RLF: variants seen among roughly 807,000 people sequenced by gnomAD.
RLF encodes the protein RLF zinc finger.
In RLF, 7 loss-of-function variants were observed where a neutral mutation model predicts 162.9. The observed-to-expected ratio is 0.04, with a 90% confidence interval of 0.02 to 0.08. The LOEUF is 0.08. RLF is among the 10% of genes least tolerant of loss of function. The pLI, the probability that RLF is intolerant of heterozygous loss-of-function variation, is 1.00. For missense variants in RLF, 1,664 were observed against 2,244.7 expected (o/e 0.74, Z 5.23); for synonymous variants, 782 against 791.5 (o/e 0.99, Z 0.20).
At chr1:40,222,488 C>T in intron 5 of RLF, 86 bp from the exon 6 acceptor site, 2 of 1,294,986 alleles carry the variant, frequency 1.5e-6, no homozygotes, top group Non-Finnish European at 2.1e-6. Flanking sequence ...CTAATTTTTG[C>T]CTCATTAAGA....
At chr1:40,216,718 T>TTA (rs1479712045) in intron 5 of RLF, among the ~76,000 whole-genome samples, 1 of 152,072 alleles carries the variant, frequency 6.6e-6, no homozygotes, top group Non-Finnish European at 1.5e-5. Context: ...GAAGCCAGTA[T>TTA]TACTTTGATA....
chr1:40,171,417 T>C (rs1201976849), intron 1 of RLF, among the ~76,000 whole-genome samples: 1 of 152,206 alleles, frequency 6.6e-6, no homozygotes, highest in Admixed American at 6.5e-5. Flanking sequence ...ACATTTGTTA[T>C]AAGAATTGTT....
chr1:40,207,362 A>G (rs760931861), intron 5 of RLF, among the ~76,000 whole-genome samples: 1 of 152,182 alleles, frequency 6.6e-6, no homozygotes, highest in Admixed American at 6.5e-5. Context: ...GTCTTTTTGA[A>G]TTTTAAAATT....
At chr1:40,168,158 T>G (rs116521005) in intron 1 of RLF, among the ~76,000 whole-genome samples, 7,010 of 152,218 alleles carry the variant, frequency 0.046, 522 homozygotes, top group African/African-American at 0.16. Context: ...GAGGCTGCAG[T>G]AAGCCATATT....
intron 7 of RLF, among the ~76,000 whole-genome samples, chr1:40,234,283 T>C (rs575453910): frequency 6.6e-6 from 1 of 152,306 alleles, no homozygotes; most frequent in East Asian, 1.9e-4. Context: ...CTCTGCTCAC[T>C]AGTTAGTGAC....
intron 1 of RLF, among the ~76,000 whole-genome samples, chr1:40,185,579 G>A (rs1272765679): frequency 4.1e-5 from 5 of 121,606 alleles, no homozygotes; most frequent in South Asian, 3.1e-4. Context: ...TTGGGAGGCC[G>A]AGGCGGGCAG....
intron 6 of RLF, among the ~76,000 whole-genome samples, chr1:40,228,907 G>GC (rs1216750298): frequency 1.3e-5 from 2 of 152,018 alleles, no homozygotes; most frequent in Admixed American, 6.6e-5. Flanking sequence ...CACCCTGCCC[G>GC]CCCCCCGCTG....
At chr1:40,164,728 CT>C (rs201482297) in intron 1 of RLF, among the ~76,000 whole-genome samples, 21 of 150,890 alleles carry the variant, frequency 1.4e-4, no homozygotes, top group Non-Finnish European at 2.1e-4. Context: ...ATTTTGAAGA[CT>C]TTTTTTTTAG....
intron 6 of RLF, among the ~76,000 whole-genome samples, chr1:40,225,929 A>G (rs1056665517): frequency 6.8e-6 from 1 of 148,088 alleles, no homozygotes; most frequent in Non-Finnish European, 1.5e-5. Context: ...GTACGCACCT[A>G]TAATCCCAGC....
chr1:40,161,709 A>C lies in RLF; in HGVS notation c.237+73A>C. The C allele has an allele frequency of 6.4e-7, 1 of 1,566,986 alleles. No homozygotes were observed. The highest frequency in any genetic ancestry group is 8.6e-7 in the Non-Finnish European group (1 of 1,165,802). ...GGAAGGAGGCCCTGGATCCTCTGTA[A>C]GCAGCCGGGTCCAAACTGAAAGGCG... On this transcript the variant is annotated intron_variant, in intron 1 of 7. Transcript: ENST00000372771. The surrounding 1 kb of genome is among the most constrained non-coding windows in gnomAD (Gnocchi z 4.4).
rs540490832 is a variant in RLF, at chr1:40,196,099, G to A, written c.607+335G>A. On this transcript the variant is annotated intron_variant, in intron 4 of 7. Coordinates refer to ENST00000372771, the MANE Select transcript of RLF (RefSeq NM_012421.4). ...TTTTCTTTTTTTTTTTTCCCGAGACGTTGTCTCGCTCTGTCACCCAGGCTG... is the reference window on the plus strand; with the variant it reads ...TTTTCTTTTTTTTTTTTCCCGAGACATTGTCTCGCTCTGTCACCCAGGCTG... Among the ~76,000 whole-genome samples, 7 of 150,220 alleles carry A rather than the reference G, an allele frequency of 4.7e-5. 1 individual carries two copies. In the East Asian group the frequency reaches 5.8e-4, roughly 13 times the overall value.
At chr1:40,206,572 A>G (rs1482299703) in intron 5 of RLF, among the ~76,000 whole-genome samples, 1 of 152,138 alleles carries the variant, frequency 6.6e-6, no homozygotes, top group Non-Finnish European at 1.5e-5. Flanking sequence ...ATCTCTCTAA[A>G]ACTTGTCGTG....
intron 1 of RLF, among the ~76,000 whole-genome samples, chr1:40,174,976 G>A (rs1203142946): frequency 6.6e-6 from 1 of 151,944 alleles, no homozygotes; most frequent in African/African-American, 2.4e-5. Flanking sequence ...AAGGCGGGAG[G>A]ATCTCTTGAA....
chr1:40,187,977 A>G (rs1642504155), intron 1 of RLF, among the ~76,000 whole-genome samples: 1 of 152,212 alleles, frequency 6.6e-6, no homozygotes, highest in Non-Finnish European at 1.5e-5. Flanking sequence ...AGACTTGCCT[A>G]TAGAAGTATC....
chr1:40,233,187 C>G (rs537889491), intron 7 of RLF, among the ~76,000 whole-genome samples: 1 of 152,178 alleles, frequency 6.6e-6, no homozygotes, highest in African/African-American at 2.4e-5. Flanking sequence ...CCCTCACCTT[C>G]CTAGTTTAAG....
At chr1:40,180,605 G>GT (rs1442242770) in intron 1 of RLF, among the ~76,000 whole-genome samples, 2 of 152,046 alleles carry the variant, frequency 1.3e-5, no homozygotes, top group Non-Finnish European at 2.9e-5. Flanking sequence ...GTGCGAAGTC[G>GT]TATCTCATTG....
At chr1:40,198,390 C>A (rs1570537608) in intron 4 of RLF, among the ~76,000 whole-genome samples, 1 of 148,044 alleles carries the variant, frequency 6.8e-6, no homozygotes, top group Non-Finnish European at 1.5e-5. Flanking sequence ...CTGCAACCTC[C>A]GCCTCCTGGG....
intron 4 of RLF, 79 bp from the exon 5 acceptor site, chr1:40,202,330 AAAG>A: frequency 1.2e-6 from 1 of 866,272 alleles, no homozygotes; most frequent in Non-Finnish European, 1.7e-6. Context: ...AATCAAATAA[AAAG>A]ATCTCAAACT....
intron 1 of RLF, among the ~76,000 whole-genome samples, chr1:40,176,689 C>T (rs949065291): frequency 6.6e-6 from 1 of 152,176 alleles, no homozygotes; most frequent in Non-Finnish European, 1.5e-5. Flanking sequence ...ACGATCCTCC[C>T]GCCTTGGCCT....
Sources: gnomAD v4.1 joint callset for allele counts (sites outside exome capture counted in the v4.1 genomes callset) on GRCh38, gnomAD v4.1.1 for gene constraint, Gnocchi (gnomAD v3.1) non-coding constraint, MANE v1.5 for transcripts, NCBI Gene and HGNC (gene_info 2026-07-23, HGNC 2026-07-21) for gene names.